KIAA0825: variants seen among roughly 807,000 people sequenced by gnomAD.
KIAA0825 encodes the protein KIAA0825.
KIAA0825 carries 119 observed loss-of-function variants against 147.6 expected under a neutral mutation model. The ratio of observed to expected loss-of-function variants is 0.81; its 90% confidence interval spans 0.69 to 0.94. The LOEUF is 0.94. KIAA0825 is among the 40% of genes least tolerant of loss of function. The probability of loss-of-function intolerance (pLI) is 0.00; values close to 1 mark genes in which losing one functional copy is unlikely to be tolerated. For missense variants in KIAA0825, 1,381 were observed against 1,472.7 expected (o/e 0.94, Z 1.02); for synonymous variants, 470 against 518.1 (o/e 0.91, Z 1.26).
chr5:94,296,658 A>G (rs1477283139), intron 20 of KIAA0825, among the ~76,000 whole-genome samples: 1 of 152,018 alleles, frequency 6.6e-6, no homozygotes, highest in Non-Finnish European at 1.5e-5. Flanking sequence ...TAGGGGAGGG[A>G]GTTCCCTGAT....
At chr5:94,442,236 G>A (rs1219664998) in intron 13 of KIAA0825, among the ~76,000 whole-genome samples, 1 of 152,168 alleles carries the variant, frequency 6.6e-6, no homozygotes, top group Admixed American at 6.6e-5. Context: ...ATGGTGTTTG[G>A]AACATCTCAT....
chr5:94,459,261 G>T (rs940336793), intron 12 of KIAA0825, among the ~76,000 whole-genome samples: 1 of 151,860 alleles, frequency 6.6e-6, no homozygotes, highest in African/African-American at 2.4e-5. Flanking sequence ...GTGTTATTTT[G>T]AAAAATGCTG....
intron 12 of KIAA0825, among the ~76,000 whole-genome samples, chr5:94,458,947 G>A (rs954100791): frequency 2.0e-5 from 3 of 151,944 alleles, no homozygotes; most frequent in Non-Finnish European, 2.9e-5. Flanking sequence ...ATTCCCAAAC[G>A]AAACCCTGTA....
intron 1 of KIAA0825, among the ~76,000 whole-genome samples, chr5:94,588,003 G>T (rs980357966): frequency 3.9e-5 from 6 of 152,260 alleles, no homozygotes; most frequent in Non-Finnish European, 5.9e-5. Flanking sequence ...ATAGAAAGCT[G>T]ACACTGGATC....
chr5:94,294,531 G>GGAGTTTGAGA (rs1778048525), intron 20 of KIAA0825, among the ~76,000 whole-genome samples: 1 of 152,114 alleles, frequency 6.6e-6, no homozygotes, highest in Admixed American at 6.6e-5. Context: ...TTTGAGACCA[G>GGAGTTTGAGA]CCTGACCAAC....
chr5:94,231,545 A>C (rs957555523), intron 20 of KIAA0825, among the ~76,000 whole-genome samples: 1 of 152,160 alleles, frequency 6.6e-6, no homozygotes. Context: ...CACTAGGTAC[A>C]TAAGAAAGCC....
intron 14 of KIAA0825, among the ~76,000 whole-genome samples, chr5:94,436,539 T>C (rs1249747903): frequency 6.6e-6 from 1 of 152,196 alleles, no homozygotes; most frequent in African/African-American, 2.4e-5. Flanking sequence ...TAGTATAGTT[T>C]GAAGTCTGGT....
intron 6 of KIAA0825, among the ~76,000 whole-genome samples, chr5:94,478,093 T>C (rs1226850488): frequency 6.6e-6 from 1 of 152,222 alleles, no homozygotes; most frequent in African/African-American, 2.4e-5. Context: ...GTAGGGATTC[T>C]GACCAATAGA....
intron 20 of KIAA0825, among the ~76,000 whole-genome samples, chr5:94,312,512 G>C (rs776007302): frequency 6.6e-6 from 1 of 151,564 alleles, no homozygotes; most frequent in Non-Finnish European, 1.5e-5. Context: ...AATATTTTGC[G>C]TTCTAAAGAT....
chr5:94,484,646 A>T, intron 6 of KIAA0825, 123 bp downstream of exon 6: 1 of 597,192 alleles, frequency 1.7e-6, no homozygotes. Context: ...ATTATACCAA[A>T]TGCTTATTTA....
rs1383285737 is a variant in KIAA0825, at chr5:94,477,234, C to G, written c.1133-29G>C. 6 of 1,342,672 alleles carry G rather than the reference C, an allele frequency of 4.5e-6. No individual in the cohort carries two copies. The African/African-American group carries it at 8.9e-5, about 20-fold the overall frequency. The allele number at this position is 1,342,672 out of a possible 1,614,324, so 83.2% of individuals were successfully genotyped here. ...AGCAATAGAAAAGAAAACAAACACACTAATATATATTGTTTAAAAAGCATA... is the reference window on the plus strand; with the variant it reads ...AGCAATAGAAAAGAAAACAAACACAGTAATATATATTGTTTAAAAAGCATA... On this transcript the variant is annotated intron_variant, in intron 6 of 20. Coordinates refer to ENST00000682413, the MANE Select transcript of KIAA0825 (RefSeq NM_001145678.3).
chr5:94,589,321 A>G (rs1417488182), intron 1 of KIAA0825, among the ~76,000 whole-genome samples: 3 of 152,198 alleles, frequency 2.0e-5, no homozygotes, highest in Admixed American at 2.0e-4. Context: ...CCCATTCACT[A>G]ATAAGCTTCC....
intron 20 of KIAA0825, among the ~76,000 whole-genome samples, chr5:94,305,770 T>C (rs946870062): frequency 6.6e-6 from 1 of 151,934 alleles, no homozygotes; most frequent in African/African-American, 2.4e-5. Flanking sequence ...ATGACTATCA[T>C]CAGAGACTCA....
rs750540664 is a variant in KIAA0825 at position 94,520,266 on chromosome 5, C to T, written c.952G>A (p.Gly318Arg). 14 of 1,611,812 alleles carry T rather than the reference C, an allele frequency of 8.7e-6. No individual in the cohort carries two copies. The highest frequency in any genetic ancestry group is 1.2e-5 in the Non-Finnish European group (14 of 1,178,884). Reference protein sequence around the residue: ...KTSKSSSKHRGAVHALVTTEC... With the variant: ...KTSKSSSKHRRAVHALVTTEC... ...CACTAACCCAAAGCATGCACTGCTC[C>T]TCTATGCTTGCTGGAGCTCTTGCTT... The change falls in exon 5 of 21, where the codon GGA (glycine) becomes AGA (arginine). Residue 318 changes from glycine (G) to arginine (R), a missense_variant. Gly to Arg is a moderately radical substitution (Grantham distance 125, BLOSUM62 -2). Coordinates refer to ENST00000682413, the MANE Select transcript of KIAA0825 (RefSeq NM_001145678.3).
rs567041651 is a variant in KIAA0825 at position 94,617,141 on chromosome 5, T to C, written c.-153+1359A>G. 2.0e-5 allele frequency among the ~76,000 whole-genome samples: 3 copies of C among 152,282 alleles called. No homozygotes were observed. The South Asian group carries it at 6.2e-4, about 32-fold the overall frequency. Reference sequence around the variant, plus strand: ...AAAGTGCCTGGCAGACAGTATCTACTTGGGGTAAGTATTAATGATTGGCTA... The same window carrying C: ...AAAGTGCCTGGCAGACAGTATCTACCTGGGGTAAGTATTAATGATTGGCTA... On this transcript the variant is annotated intron_variant, in intron 1 of 20. Coordinates refer to ENST00000682413, the MANE Select transcript of KIAA0825 (RefSeq NM_001145678.3).
intron 20 of KIAA0825, among the ~76,000 whole-genome samples, chr5:94,296,128 C>A (rs1170607546): frequency 6.6e-6 from 1 of 152,180 alleles, no homozygotes; most frequent in Non-Finnish European, 1.5e-5. Flanking sequence ...TCTAAAGAGG[C>A]AGTCTGGCTA....
At chr5:94,528,392 AC>A (rs1242737057) in intron 3 of KIAA0825, among the ~76,000 whole-genome samples, 5 of 152,284 alleles carry the variant, frequency 3.3e-5, no homozygotes, top group African/African-American at 1.2e-4. Flanking sequence ...GGATCCCACT[AC>A]AAAAGTTGAG....
At chr5:94,531,549 A>G (rs1445769145) in intron 3 of KIAA0825, among the ~76,000 whole-genome samples, 1 of 152,226 alleles carries the variant, frequency 6.6e-6, no homozygotes, top group African/African-American at 2.4e-5. Flanking sequence ...CTGTCTGCCC[A>G]GGATGCATTC....
intron 16 of KIAA0825, among the ~76,000 whole-genome samples, chr5:94,403,358 A>C (rs992516847): frequency 6.6e-6 from 1 of 152,216 alleles, no homozygotes; most frequent in Non-Finnish European, 1.5e-5. Flanking sequence ...TAATTAAATA[A>C]AGACTATGAC....
Sources: gnomAD v4.1 joint callset for allele counts (sites outside exome capture counted in the v4.1 genomes callset) on GRCh38, gnomAD v4.1.1 for gene constraint, MANE v1.5 for transcripts, NCBI Gene and HGNC (gene_info 2026-07-23, HGNC 2026-07-21) for gene names.